The following RBMS3 variants were observed in gnomAD, a reference collection of about 807,000 sequenced individuals.
The protein encoded by RBMS3 is RNA-binding motif, single-stranded-interacting protein 3.
A neutral mutation model predicts 66.8 loss-of-function variants in RBMS3; 27 were observed. The observed-to-expected ratio is 0.40, with a 90% CI of 0.30 to 0.56. RBMS3 has a LOEUF of 0.56. Among genes scored for constraint, RBMS3 ranks in the 20% least tolerant of loss-of-function variants. RBMS3 has a pLI of 0.40. For missense variants in RBMS3, 513 were observed against 549.5 expected (o/e 0.93, Z 0.66); for synonymous variants, 188 against 183.0 (o/e 1.03, Z -0.22).
At chr3:29,557,831 T>C (rs2046414254) in intron 3 of RBMS3, among the ~76,000 whole-genome samples, 1 of 151,914 alleles carries the variant, frequency 6.6e-6, no homozygotes, top group Non-Finnish European at 1.5e-5. Context: ...GTAGCAAAAA[T>C]GAAAAGGAAC....
In RBMS3 at chr3:29,434,302, A is replaced by T. The variant is rs907228202; in HGVS notation, c.76-441A>T. ...CAGTAATGTTGAGGAAAACAATAGG[A>T]GGGAGTTTCTTTGGAGAAAAGGAGG... On this transcript the variant is annotated intron_variant, in intron 1 of 14. Transcript: ENST00000383767. Among the ~76,000 whole-genome samples, 10 of 152,302 alleles carry T rather than the reference A, an allele frequency of 6.6e-5. No individual in the cohort carries two copies. The East Asian group carries it at 1.7e-3, about 26-fold the overall frequency.
At chr3:29,371,054 C>T (rs1489189284) in intron 1 of RBMS3, among the ~76,000 whole-genome samples, 1 of 152,194 alleles carries the variant, frequency 6.6e-6, no homozygotes, top group Admixed American at 6.5e-5. Context: ...TCTTTGTTTG[C>T]TCCGTGCTCT....
chr3:29,723,397 C>A (rs2053727456), intron 4 of RBMS3, among the ~76,000 whole-genome samples: 1 of 152,150 alleles, frequency 6.6e-6, no homozygotes, highest in South Asian at 2.1e-4. Context: ...TTTTATTATA[C>A]TTTAAGTACA....
chr3:29,761,073 A>G (rs968773284), intron 5 of RBMS3, among the ~76,000 whole-genome samples: 2 of 152,058 alleles, frequency 1.3e-5, no homozygotes, highest in Non-Finnish European at 2.9e-5. Flanking sequence ...GAAATATGAC[A>G]ATGTAGATCC....
intron 4 of RBMS3, among the ~76,000 whole-genome samples, chr3:29,620,837 G>T (rs561810632): frequency 6.6e-6 from 1 of 151,852 alleles, no homozygotes; most frequent in African/African-American, 2.4e-5. Flanking sequence ...TTTTAAAAAC[G>T]TTATCTTTTT....
intron 1 of RBMS3, among the ~76,000 whole-genome samples, chr3:29,421,562 G>A (rs977322315): frequency 6.6e-6 from 1 of 152,132 alleles, no homozygotes; most frequent in African/African-American, 2.4e-5. Context: ...AGTTAAATAT[G>A]TCTTATTTTA....
At chr3:29,751,349 C>T (rs907865838) in intron 5 of RBMS3, among the ~76,000 whole-genome samples, 1 of 152,092 alleles carries the variant, frequency 6.6e-6, no homozygotes, top group South Asian at 2.1e-4. Flanking sequence ...TTCCATAAAC[C>T]TTTTATAACC....
chr3:29,816,480 G>C (rs2057907011), intron 6 of RBMS3, among the ~76,000 whole-genome samples: 1 of 152,106 alleles, frequency 6.6e-6, no homozygotes, highest in Non-Finnish European at 1.5e-5. Context: ...AGCCTCTGCT[G>C]TTATTATCAT....
intron 1 of RBMS3, among the ~76,000 whole-genome samples, chr3:29,366,217 G>C (rs150514796): frequency 1.3e-5 from 2 of 152,184 alleles, no homozygotes; most frequent in African/African-American, 4.8e-5. Flanking sequence ...TTGCAAATAG[G>C]ATATATCATA....
At chr3:29,356,592 T>A (rs1287252764) in intron 1 of RBMS3, among the ~76,000 whole-genome samples, 1 of 152,192 alleles carries the variant, frequency 6.6e-6, no homozygotes, top group African/African-American at 2.4e-5. Flanking sequence ...AATGTGCATA[T>A]GAAAATAGCA....
At chr3:29,843,842 G>A (rs1471587255) in intron 6 of RBMS3, among the ~76,000 whole-genome samples, 1 of 151,940 alleles carries the variant, frequency 6.6e-6, no homozygotes, top group Non-Finnish European at 1.5e-5. Flanking sequence ...CCAGCTACCC[G>A]GGAGGCTGAG....
chr3:29,677,544 C>T (rs928375343), intron 4 of RBMS3, among the ~76,000 whole-genome samples: 3 of 151,922 alleles, frequency 2.0e-5, no homozygotes, highest in Non-Finnish European at 2.9e-5. Context: ...AAAGCCTGTG[C>T]ACTTTATAGG....
chr3:29,928,207 T>TACACACACACACAC (rs1462382952), intron 10 of RBMS3, among the ~76,000 whole-genome samples: 2 of 112,254 alleles, frequency 1.8e-5, no homozygotes, highest in African/African-American at 3.6e-5. Flanking sequence ...TATATATATA[T>TACACACACACACAC]ATATACACAC....
chr3:30,001,688 TTGTA>T (rs1699615933), intron 14 of RBMS3, among the ~76,000 whole-genome samples: 3 of 152,132 alleles, frequency 2.0e-5, no homozygotes, highest in African/African-American at 7.2e-5. Context: ...TAATAATACA[TTGTA>T]TGTGCACTGT....
rs138293008 is a variant in RBMS3, at chr3:29,975,546, G to A, written c.1099-12597G>A. 1.5e-3 allele frequency among the ~76,000 whole-genome samples: 229 copies of A among 151,680 alleles called. 1 individual carries two copies. The highest frequency in any genetic ancestry group is 4.9e-3 in the African/African-American group (202 of 41,394). On this transcript the variant is annotated intron_variant, in intron 12 of 14. Coordinates refer to ENST00000383767, the MANE Select transcript of RBMS3 (RefSeq NM_001003793.3). Reference sequence around the variant, plus strand: ...ATCATGTTTTAATATGCATATTATCGTTTACATCAACTATATATATAAATT... The same window carrying A: ...ATCATGTTTTAATATGCATATTATCATTTACATCAACTATATATATAAATT...
intron 1 of RBMS3, among the ~76,000 whole-genome samples, chr3:29,365,270 T>C (rs1041048669): frequency 2.6e-5 from 4 of 152,180 alleles, no homozygotes; most frequent in East Asian, 1.9e-4. Context: ...AACATAAATT[T>C]AACATTAAGC....
chr3:29,568,172 G>A (rs1196586569), intron 3 of RBMS3, among the ~76,000 whole-genome samples: 1 of 152,138 alleles, frequency 6.6e-6, no homozygotes, highest in Non-Finnish European at 1.5e-5. Context: ...CTTTTTTAAA[G>A]AGATGAATTA....
intron 1 of RBMS3, among the ~76,000 whole-genome samples, chr3:29,395,960 G>A (rs2039527217): frequency 2.0e-5 from 3 of 152,280 alleles, no homozygotes; most frequent in Admixed American, 2.0e-4. Flanking sequence ...GTTTGATGAG[G>A]AGCAAGATAT....
chr3:29,892,658 C>T (rs2060028804), intron 8 of RBMS3, among the ~76,000 whole-genome samples: 1 of 151,298 alleles, frequency 6.6e-6, no homozygotes, highest in Admixed American at 6.6e-5. Context: ...CAACTCATTC[C>T]CATTTTCTGT....
Sources: gnomAD v4.1 joint callset for allele counts (sites outside exome capture counted in the v4.1 genomes callset) on GRCh38, gnomAD v4.1.1 for gene constraint, MANE v1.5 for transcripts, NCBI Gene and HGNC (gene_info 2026-07-23, HGNC 2026-07-21) for gene names.